Variants in ITGAD observed in about 807,000 individuals in gnomAD.
ITGAD encodes integrin subunit alpha D.
ITGAD carries 105 observed loss-of-function variants against 139.0 expected under a neutral mutation model. That is an observed-to-expected ratio of 0.76 (90% CI 0.65 to 0.89). The LOEUF is 0.89. Among genes scored for constraint, ITGAD ranks in the 40% least tolerant of loss-of-function variants. The pLI is 0.00. For synonymous variants in ITGAD, 569 were observed against 598.3 expected, an observed-to-expected ratio of 0.95 and a Z score of 0.71; for missense variants, 1,384 against 1,487.3, an observed-to-expected ratio of 0.93 and a Z score of 1.14.
chr16:31,394,204 C>A, intron 1 of ITGAD, 32 bp from the exon 2 acceptor site: 1 of 1,469,178 alleles, frequency 6.8e-7, no homozygotes, highest in Non-Finnish European at 9.5e-7. Flanking sequence ...TTCTTTAACT[C>A]CCAGCCTCCC....
chr16:31,415,017 G>A, intron 18 of ITGAD, 26 bp downstream of exon 18: 1 of 1,612,924 alleles, frequency 6.2e-7, no homozygotes, highest in South Asian at 1.1e-5. Flanking sequence ...AAGTCCCAGG[G>A]ATGTGCTGAC....
chr16:31,408,584 C>A, intron 10 of ITGAD, 86 bp downstream of exon 10: 3 of 1,179,128 alleles, frequency 2.5e-6, no homozygotes, highest in Middle Eastern at 2.0e-4. Context: ...CAGACATAAA[C>A]AAGAGCAGAC....
intron 7 of ITGAD, among the ~76,000 whole-genome samples, chr16:31,405,743 A>G (rs1199608227): frequency 6.6e-6 from 1 of 150,940 alleles, no homozygotes; most frequent in Non-Finnish European, 1.5e-5. Flanking sequence ...CCTGGGCTCA[A>G]CAATCCTCCT....
At chr16:31,423,734 G>A in intron 26 of ITGAD, 86 bp downstream of exon 26, 1 of 1,522,060 alleles carries the variant, frequency 6.6e-7, no homozygotes, top group Non-Finnish European at 9.1e-7. Context: ...AGAGTTCCGT[G>A]CATGTCCTGT....
chr16:31,401,985 C>A, intron 5 of ITGAD, 130 bp from the exon 6 acceptor site: 1 of 957,930 alleles, frequency 1.0e-6, no homozygotes, highest in Non-Finnish European at 1.5e-6. Flanking sequence ...CAGACTGGGG[C>A]CTCCTCCAAG....
At chr16:31,394,041 G>C (rs540428856) in intron 1 of ITGAD, among the ~76,000 whole-genome samples, 195 bp from the exon 2 acceptor site, 22 of 147,856 alleles carry the variant, frequency 1.5e-4, no homozygotes, top group Non-Finnish European at 2.5e-4. Context: ...TGAGGCAAGA[G>C]AATCGCTTGA....
At chr16:31,420,043 T>A (rs1163894789) in intron 23 of ITGAD, among the ~76,000 whole-genome samples, 2 of 152,092 alleles carry the variant, frequency 1.3e-5, no homozygotes, top group African/African-American at 4.8e-5. Context: ...ACAAATTCTG[T>A]CCTTTGTATT....
At position 31,403,534 on chromosome 16, in the gene ITGAD, T is replaced by G. The variant is rs2081459233; in HGVS notation, c.593T>G (p.Ile198Ser). Reference sequence around the variant, plus strand: ...ATGCAGTACTCAAACCTCCTGAAGATCCACTTCACCTTCACCCAATTCCGG... The same window carrying G: ...ATGCAGTACTCAAACCTCCTGAAGAGCCACTTCACCTTCACCCAATTCCGG... Reference protein sequence around the residue: ...ALMQYSNLLKIHFTFTQFRTS... With the variant: ...ALMQYSNLLKSHFTFTQFRTS... Residue 198 changes from isoleucine to serine, a missense_variant, in exon 7 of 30, where the codon ATC (isoleucine) becomes AGC (serine). Coordinates refer to ENST00000389202, the MANE Select transcript of ITGAD (RefSeq NM_005353.3). The surrounding 1 kb of genome is among the most constrained non-coding windows in gnomAD (Gnocchi z 4.4). 2 of 1,613,972 alleles carry G rather than the reference T, an allele frequency of 1.2e-6. No individual in the cohort carries two copies. Among genetic ancestry groups the G allele is most frequent in the African/African-American group, 1.3e-5 (1 of 74,888 alleles).
rs550139673 is a variant in ITGAD at position 31,411,129 on chromosome 16, C to T, written c.1410C>T (p.Gly470=). The change falls in exon 13 of 30, where the codon GGC becomes GGT. Residue 470 remains glycine (G), a synonymous_variant. Transcript: ENST00000389202. ...GCTCTGTGGATGTGGACAGCGATGG[C>T]AGCACCGACCTGATCCTCATTGGGG... ...SLCSVDVDSD[G]STDLILIGAP... is the part of the protein sequence containing the mutation. 7.7e-4 allele frequency: 1,243 copies of T among 1,613,360 alleles called. 17 individuals are homozygous for T. The South Asian group carries it at 0.013, about 17-fold the overall frequency.
chr16:31,406,410 C>A (rs2081541381), intron 7 of ITGAD, among the ~76,000 whole-genome samples: 1 of 152,250 alleles, frequency 6.6e-6, no homozygotes, highest in Admixed American at 6.5e-5. Context: ...CAGCTGTTAT[C>A]TAATTAGTAG....
chr16:31,410,708 C>T (rs754346485), intron 11 of ITGAD, 28 bp from the exon 12 acceptor site: 5 of 1,599,490 alleles, frequency 3.1e-6, no homozygotes, highest in Non-Finnish European at 2.6e-6. Context: ...GGAATGGGGG[C>T]CTTTGTGCTG....
At position 31,411,493 on chromosome 16, in the gene ITGAD, C is replaced by T. The variant is rs375883637; in HGVS notation, c.1683C>T (p.Ser561=). Residue 561 remains serine (S), a synonymous_variant, in exon 14 of 30, where the codon TCC becomes TCT. Transcript: ENST00000389202. ...ACCTGTTTCACGGAGCCTCAGAATC[C>T]GGCATCAGCCCCTCCCACAGCCAGG... ...AVYLFHGASE[S]GISPSHSQRI... is the part of the protein sequence containing the mutation. 1.9e-5 allele frequency: 31 copies of T among 1,613,982 alleles called. No homozygotes were observed. The highest frequency in any genetic ancestry group is 1.5e-4 in the Admixed American group (9 of 59,994).
intron 23 of ITGAD, among the ~76,000 whole-genome samples, chr16:31,421,635 C>A (rs777254003): frequency 6.6e-6 from 1 of 151,930 alleles, no homozygotes; most frequent in Non-Finnish European, 1.5e-5. Flanking sequence ...ATGGAGGAGT[C>A]CCTGTGTGCT....
At chr16:31,420,158 C>A (rs2081980521) in intron 23 of ITGAD, among the ~76,000 whole-genome samples, 2 of 152,140 alleles carry the variant, frequency 1.3e-5, no homozygotes, top group Non-Finnish European at 2.9e-5. Flanking sequence ...TGTCACCACA[C>A]AGAGGAAAGG....
intron 12 of ITGAD, 77 bp from the exon 13 acceptor site, chr16:31,410,999 T>C (rs551820848): frequency 1.2e-5 from 19 of 1,603,260 alleles, no homozygotes. Context: ...TCCTGGTACC[T>C]GGGGAGAGGC....
chr16:31,402,074 C>A, intron 5 of ITGAD, 41 bp from the exon 6 acceptor site: 1 of 1,598,884 alleles, frequency 6.3e-7, no homozygotes. Flanking sequence ...GGGGGTTGGG[C>A]CCCCGCAGTG....
chr16:31,424,275 G>A (rs1597168493), intron 28 of ITGAD, 72 bp downstream of exon 28: 1 of 1,579,150 alleles, frequency 6.3e-7, no homozygotes, highest in Non-Finnish European at 8.7e-7. Flanking sequence ...GTGCTGGGTG[G>A]GGGGTTTGCA....
chr16:31,424,117 G>C lies in ITGAD; in HGVS notation c.3175G>C (p.Val1059Leu). The C allele has an allele frequency of 1.9e-6, 3 of 1,614,232 alleles. No individual in the cohort carries two copies. The highest frequency in any genetic ancestry group is 1.7e-6 in the Non-Finnish European group (2 of 1,180,038). ...CCCTTTGCAGACATTGCAGAAGAAG[G>C]TGTTGGTCGTGAGTGTGGCTGAAAT... ...GWVRETLQKKVLVVSVAEITF... is the reference protein window; with the variant it reads ...GWVRETLQKKLLVVSVAEITF... The change falls in exon 28 of 30, where the codon GTG becomes CTG. Residue 1059 changes from valine (V) to leucine (L), a missense_variant. Physicochemically the swap from Val to Leu is conservative, Grantham distance 32. Coordinates refer to ENST00000389202, the MANE Select transcript of ITGAD (RefSeq NM_005353.3).
Position 31,426,076 on chromosome 16 carries a change from C to T in ITGAD, c.3434C>T (p.Thr1145Ile), listed in dbSNP as rs749199872. Residue 1145 changes from threonine to isoleucine, a missense_variant, in exon 30 of 30, where the codon ACA becomes ATA. Transcript: ENST00000389202. Reference protein sequence around the residue: ...MLEDKPEDTATFSGDDFSCVA... With the variant: ...MLEDKPEDTAIFSGDDFSCVA... ...GAGGACAAGCCTGAAGACACTGCCACATTCAGTGGGGACGATTTCAGCTGT... is the reference window on the plus strand; with the variant it reads ...GAGGACAAGCCTGAAGACACTGCCATATTCAGTGGGGACGATTTCAGCTGT... The T allele has an allele frequency of 7.5e-5, 121 of 1,613,954 alleles. No homozygotes were observed. Among genetic ancestry groups the T allele is most frequent in the Non-Finnish European group, 1.0e-4 (119 of 1,179,928 alleles).
Sources: allele counts gnomAD v4.1 joint callset (sites outside exome capture counted in the v4.1 genomes callset), GRCh38; gene constraint gnomAD v4.1.1; non-coding constraint Gnocchi (gnomAD v3.1); transcripts MANE v1.5; gene names NCBI Gene and HGNC (gene_info 2026-07-23, HGNC 2026-07-21).